TMTC1: variants seen among roughly 807,000 people sequenced by gnomAD.
TMTC1 encodes the protein protein O-mannosyl-transferase TMTC1.
Under a neutral mutation model 104.8 loss-of-function variants are expected in TMTC1, and 73 were observed. The observed-to-expected ratio is 0.70, with a 90% CI of 0.58 to 0.85. The LOEUF (loss-of-function observed/expected upper bound fraction) is 0.85. Ranked by LOEUF, TMTC1 falls within the 40% of genes least tolerant of loss-of-function variation. The pLI, the probability that TMTC1 is intolerant of heterozygous loss-of-function variation, is 0.00. For synonymous variants in TMTC1, 434 were observed against 428.7 expected, an observed-to-expected ratio of 1.01 and a Z score of -0.15; for missense variants, 1,035 against 1,096.1, an observed-to-expected ratio of 0.94 and a Z score of 0.79.
chr12:29,561,768 A>G (rs1490869738), intron 9 of TMTC1, among the ~76,000 whole-genome samples: 1 of 152,178 alleles, frequency 6.6e-6, no homozygotes, highest in Non-Finnish European at 1.5e-5. Context: ...ATATTGAATG[A>G]TGTGCTCTAG....
At chr12:29,701,979 G>T (rs567315787) in intron 5 of TMTC1, among the ~76,000 whole-genome samples, 167 of 152,226 alleles carry the variant, frequency 1.1e-3, no homozygotes, top group Non-Finnish European at 1.7e-3. Context: ...TAATACAATT[G>T]CAGGTTTTGT....
intron 3 of TMTC1, among the ~76,000 whole-genome samples, chr12:29,757,434 T>C (rs563163458): frequency 2.0e-5 from 3 of 152,160 alleles, no homozygotes; most frequent in African/African-American, 7.2e-5. Context: ...TTGCCAAATG[T>C]CTCCTGCAGG....
intron 5 of TMTC1, among the ~76,000 whole-genome samples, chr12:29,689,442 T>C (rs1941198127): frequency 6.6e-6 from 1 of 152,010 alleles, no homozygotes; most frequent in Non-Finnish European, 1.5e-5. Context: ...GCCTCCCGAG[T>C]AGCTGGGACT....
intron 5 of TMTC1, among the ~76,000 whole-genome samples, chr12:29,669,165 A>C (rs551405118): frequency 2.8e-4 from 43 of 152,322 alleles, no homozygotes; most frequent in Admixed American, 2.2e-3. Context: ...AATTAGGTGC[A>C]AAGAGATAGA....
At chr12:29,753,467 T>C (rs1312579711) in intron 4 of TMTC1, among the ~76,000 whole-genome samples, 1 of 152,222 alleles carries the variant, frequency 6.6e-6, no homozygotes, top group Non-Finnish European at 1.5e-5. Context: ...GTTCAAATCT[T>C]GGCTCCTCTT....
At chr12:29,698,949 C>T (rs1445842038) in intron 5 of TMTC1, among the ~76,000 whole-genome samples, 4 of 152,162 alleles carry the variant, frequency 2.6e-5, no homozygotes, top group Non-Finnish European at 5.9e-5. Flanking sequence ...ACTCCTGCTG[C>T]TTTATTAGGA....
chr12:29,509,230 TA>T (rs1167479593), intron 17 of TMTC1, among the ~76,000 whole-genome samples: 1 of 152,234 alleles, frequency 6.6e-6, no homozygotes, highest in Non-Finnish European at 1.5e-5. Context: ...GACTTTGTGC[TA>T]TAGCCTGGTT....
intron 6 of TMTC1, among the ~76,000 whole-genome samples, chr12:29,612,605 A>T (rs1946874006): frequency 6.6e-6 from 1 of 151,930 alleles, no homozygotes; most frequent in East Asian, 1.9e-4. Flanking sequence ...AGTAGAGACA[A>T]GTTTCCACCA....
chr12:29,574,981 AC>A (rs1334768255), intron 8 of TMTC1, among the ~76,000 whole-genome samples: 2 of 152,088 alleles, frequency 1.3e-5, no homozygotes, highest in Non-Finnish European at 2.9e-5. Context: ...ATGCTTGTCT[AC>A]CCTGGGGCCC....
chr12:29,525,832 A>C (rs760564649), intron 11 of TMTC1, among the ~76,000 whole-genome samples: 1 of 152,200 alleles, frequency 6.6e-6, no homozygotes, highest in African/African-American at 2.4e-5. Flanking sequence ...ACCTTTGCCT[A>C]ATGCTATTGT....
At chr12:29,643,692 T>TTATTATAATATAA (rs1939038643) in intron 5 of TMTC1, among the ~76,000 whole-genome samples, 1 of 178 alleles carries the variant, frequency 5.6e-3, no homozygotes, top group African/African-American at 0.011. Flanking sequence ...TTATATATAT[T>TTATTATAATATAA]ATATATATTA....
At chr12:29,643,839 T>TTATATATTTATATATATTTATATATTTA (rs1939091686) in intron 5 of TMTC1, among the ~76,000 whole-genome samples, 1 of 76,650 alleles carries the variant, frequency 1.3e-5, no homozygotes, top group Non-Finnish European at 2.3e-5. Context: ...TTATATATAT[T>TTATATATTTATATATATTTATATATTTA]TATATATTTA....
intron 6 of TMTC1, chr12:29,609,769 G>C (rs1317366357): frequency 6.6e-6 from 1 of 152,330 alleles, no homozygotes; most frequent in Non-Finnish European, 1.5e-5. Flanking sequence ...GATTCTGCCT[G>C]AGCTCTGCAC....
At chr12:29,777,991 G>A (rs1943751470) in intron 1 of TMTC1, among the ~76,000 whole-genome samples, 1 of 152,092 alleles carries the variant, frequency 6.6e-6, no homozygotes, top group Non-Finnish European at 1.5e-5. Flanking sequence ...TTTCATGGTT[G>A]GCATACTATT....
intron 5 of TMTC1, among the ~76,000 whole-genome samples, chr12:29,727,229 T>C (rs1942417333): frequency 6.6e-6 from 1 of 152,350 alleles, no homozygotes; most frequent in African/African-American, 2.4e-5. Context: ...GGTCCCAGAC[T>C]GATTTTCTGA....
chr12:29,624,778 G>T (rs1405092902), intron 6 of TMTC1, among the ~76,000 whole-genome samples: 1 of 152,132 alleles, frequency 6.6e-6, no homozygotes, highest in African/African-American at 2.4e-5. Flanking sequence ...CATGCAGGTG[G>T]GACTTTCATT....
intron 10 of TMTC1, 78 bp downstream of exon 10, chr12:29,556,779 C>A: frequency 6.3e-7 from 1 of 1,580,892 alleles, no homozygotes; most frequent in East Asian, 2.2e-5. Context: ...AAGTGCAGCA[C>A]AATCAAATGA....
At position 29,634,082 on chromosome 12, in the gene TMTC1, C is replaced by T. The variant is rs868726939; in HGVS notation, c.939-746G>A. 1.1e-4 allele frequency among the ~76,000 whole-genome samples: 16 copies of T among 152,306 alleles called. No individual in the cohort carries two copies. In the South Asian group the frequency reaches 3.3e-3, roughly 32 times the overall value. ...GGAGACAATCAAACTCTAGCATAGC[C>T]TCAGCATAAGGCTGTGTCCCTGGGA... is the stretch of plus-strand genomic sequence containing the variant. On this transcript the variant is annotated intron_variant, in intron 5 of 17. Transcript: ENST00000539277.
intron 5 of TMTC1, among the ~76,000 whole-genome samples, chr12:29,680,681 G>A (rs963195190): frequency 8.5e-5 from 13 of 152,150 alleles, no homozygotes; most frequent in Non-Finnish European, 1.9e-4. Context: ...CCCTGAATGT[G>A]TTAATTCTTG....
Sources: allele counts gnomAD v4.1 joint callset (sites outside exome capture counted in the v4.1 genomes callset), GRCh38; gene constraint gnomAD v4.1.1; transcripts MANE v1.5; gene names NCBI Gene and HGNC (gene_info 2026-07-23, HGNC 2026-07-21).